The following CHP1 variants were observed in gnomAD, a reference collection of about 807,000 sequenced individuals.
The protein encoded by CHP1 is calcineurin like EF-hand protein 1.
Under a neutral mutation model 27.4 loss-of-function variants are expected in CHP1, and 11 were observed. The observed-to-expected ratio is 0.40, with a 90% CI of 0.25 to 0.67. The LOEUF is 0.67. CHP1 is among the 30% of genes least tolerant of loss of function. The pLI is 0.38. For synonymous variants in CHP1, 89 were observed against 87.4 expected (o/e 1.02, Z -0.10); for missense variants, 169 against 251.3 (o/e 0.67, Z 2.22).
intron 2 of CHP1, among the ~76,000 whole-genome samples, chr15:41,246,578 A>G (rs975402190): frequency 4.7e-5 from 7 of 148,542 alleles, no homozygotes; most frequent in Admixed American, 2.7e-4. Context: ...TTGGCCTCCC[A>G]AAGTGCTGGG....
At chr15:41,267,926 T>C (rs2047469833) in intron 4 of CHP1, among the ~76,000 whole-genome samples, 1 of 123,306 alleles carries the variant, frequency 8.1e-6, no homozygotes, top group South Asian at 2.6e-4. Flanking sequence ...AGGCCCTATC[T>C]CTTAAAAAAA....
At chr15:41,245,906 A>T (rs1480189439) in intron 2 of CHP1, among the ~76,000 whole-genome samples, 1 of 152,090 alleles carries the variant, frequency 6.6e-6, no homozygotes, top group African/African-American at 2.4e-5. Context: ...GGCTTATCCT[A>T]TATCTTCTTG....
chr15:41,239,384 T>C (rs2047294693), intron 1 of CHP1, among the ~76,000 whole-genome samples: 1 of 151,932 alleles, frequency 6.6e-6, no homozygotes, highest in Admixed American at 6.6e-5. Context: ...ATTAGTACAT[T>C]ATTTTTTGTT....
intron 4 of CHP1, among the ~76,000 whole-genome samples, chr15:41,263,558 AAGTTGAAATTAC>A (rs1391830766): frequency 2.6e-5 from 4 of 152,196 alleles, no homozygotes; most frequent in African/African-American, 7.2e-5. Flanking sequence ...TATTCAGTAC[AAGTTGAAATTAC>A]AGTTGTATTA....
intron 1 of CHP1, among the ~76,000 whole-genome samples, chr15:41,242,450 T>C (rs1420510169): frequency 6.6e-6 from 1 of 152,174 alleles, no homozygotes; most frequent in East Asian, 1.9e-4. Flanking sequence ...TGGATATTTT[T>C]TCAATCAAAA....
At chr15:41,256,840 A>G (rs2047402889) in intron 2 of CHP1, 70 bp from the exon 3 acceptor site, 3 of 1,258,450 alleles carry the variant, frequency 2.4e-6, no homozygotes, top group Non-Finnish European at 3.5e-6. Flanking sequence ...ACACCCTGTT[A>G]CCTCCTGACT....
chr15:41,243,801 T>C, intron 2 of CHP1, 62 bp downstream of exon 2: 1 of 1,401,210 alleles, frequency 7.1e-7, no homozygotes, highest in Non-Finnish European at 1.0e-6. Context: ...AGTGTCTGAA[T>C]AGCTGCCTTT....
At chr15:41,249,128 G>A (rs1162833876) in intron 2 of CHP1, among the ~76,000 whole-genome samples, 2 of 152,102 alleles carry the variant, frequency 1.3e-5, no homozygotes, top group African/African-American at 4.8e-5. Context: ...GTGCTCATCC[G>A]AATACAAGTG....
At chr15:41,259,144 C>A (rs1409332131) in intron 3 of CHP1, among the ~76,000 whole-genome samples, 2 of 152,134 alleles carry the variant, frequency 1.3e-5, no homozygotes, top group Non-Finnish European at 2.9e-5. Context: ...CCCTGCAAAG[C>A]ATTGAACCCT....
rs537878862 is a variant in CHP1, at chr15:41,279,634, T to A, written c.*245T>A. The A allele has an allele frequency of 1.9e-4, 86 of 445,352 alleles. No homozygotes were observed. Among genetic ancestry groups the A allele is most frequent in the Non-Finnish European group, 3.2e-4 (80 of 249,760 alleles). 27.6% of individuals were successfully genotyped at this position (445,352 alleles called of 1,614,324 possible). Reference sequence around the variant, plus strand: ...TTCACTAGTTCTTCATTTATAAATATCATCTTCCCCATTCTGCTGCTGAAT... The same window carrying A: ...TTCACTAGTTCTTCATTTATAAATAACATCTTCCCCATTCTGCTGCTGAAT... On this transcript the variant is annotated 3_prime_UTR_variant, in exon 7 of 7. Transcript: ENST00000334660.
At chr15:41,274,231 T>C (rs2047507451) in intron 5 of CHP1, among the ~76,000 whole-genome samples, 1 of 152,006 alleles carries the variant, frequency 6.6e-6, no homozygotes, top group African/African-American at 2.4e-5. Context: ...AGTGCTGGGA[T>C]TACAGGCATG....
At chr15:41,251,664 T>C (rs549828274) in intron 2 of CHP1, among the ~76,000 whole-genome samples, 3 of 152,146 alleles carry the variant, frequency 2.0e-5, no homozygotes, top group Admixed American at 2.0e-4. Context: ...GACTGAGTGC[T>C]CCTTATGAGA....
intron 1 of CHP1, among the ~76,000 whole-genome samples, chr15:41,234,717 C>T (rs1279505531): frequency 2.0e-5 from 3 of 152,082 alleles, no homozygotes; most frequent in Admixed American, 6.5e-5. Context: ...AGGATTCTTA[C>T]GACAATTACA....
chr15:41,270,955 A>T (rs2047485459), intron 5 of CHP1, among the ~76,000 whole-genome samples: 2 of 152,134 alleles, frequency 1.3e-5, no homozygotes, highest in Non-Finnish European at 2.9e-5. Flanking sequence ...TTCTAGTAAA[A>T]ATACAAAAAT....
At chr15:41,246,477 G>T (rs564470526) in intron 2 of CHP1, among the ~76,000 whole-genome samples, 6 of 151,278 alleles carry the variant, frequency 4.0e-5, no homozygotes, top group Non-Finnish European at 8.8e-5. Context: ...ATGACACCAC[G>T]CCCTGCTAAT....
intron 2 of CHP1, among the ~76,000 whole-genome samples, chr15:41,249,120 G>A (rs1010585867): frequency 1.3e-5 from 2 of 152,140 alleles, no homozygotes; most frequent in Non-Finnish European, 2.9e-5. Flanking sequence ...CCATCAGAGT[G>A]CTCATCCGAA....
rs537633522 is a variant in CHP1, at chr15:41,280,460, A to G, written c.*1071A>G. On this transcript the variant is annotated 3_prime_UTR_variant, in exon 7 of 7. Transcript: ENST00000334660. ...GAATGTTTTCCACTTCACATTTCCA[A>G]GTAGAAATATTAGTGTTACGGAAGT... is the stretch of plus-strand genomic sequence containing the variant. The G allele has an allele frequency of 6.6e-6, 1 of 151,982 alleles. No homozygotes were observed. The highest frequency in any genetic ancestry group is 1.9e-4 in the East Asian group (1 of 5,186). The allele number at this position is 151,982 out of a possible 1,614,324, so 9.4% of individuals were successfully genotyped here.
At chr15:41,268,566 C>T (rs555597620) in intron 4 of CHP1, among the ~76,000 whole-genome samples, 2 of 150,558 alleles carry the variant, frequency 1.3e-5, no homozygotes, top group African/African-American at 2.4e-5. Flanking sequence ...TGCTTGAACC[C>T]GGGAGGCGGA....
chr15:41,241,543 G>A (rs1008103976), intron 1 of CHP1, among the ~76,000 whole-genome samples: 1 of 152,216 alleles, frequency 6.6e-6, no homozygotes, highest in Non-Finnish European at 1.5e-5. Flanking sequence ...ACACTTTACA[G>A]TGAGCCATTT....
Sources: allele counts gnomAD v4.1 joint callset (sites outside exome capture counted in the v4.1 genomes callset), GRCh38; gene constraint gnomAD v4.1.1; transcripts MANE v1.5; gene names NCBI Gene and HGNC (gene_info 2026-07-23, HGNC 2026-07-21).